CNTN3: variants seen among roughly 807,000 people sequenced by gnomAD.
The protein encoded by CNTN3 is contactin-3.
In CNTN3, 60 loss-of-function variants were observed where a neutral mutation model predicts 119.1. The ratio of observed to expected loss-of-function variants is 0.50; its 90% CI spans 0.41 to 0.62. CNTN3 has a LOEUF of 0.62. Among genes scored for constraint, CNTN3 ranks in the 20% least tolerant of loss-of-function variants. The pLI is 0.00. For synonymous variants in CNTN3, 450 were observed against 438.7 expected (o/e 1.03, Z -0.32); for missense variants, 1,101 against 1,242.4 (o/e 0.89, Z 1.71).
intron 5 of CNTN3, among the ~76,000 whole-genome samples, chr3:74,385,315 A>G (rs1176164389): frequency 6.6e-6 from 1 of 152,098 alleles, no homozygotes; most frequent in African/African-American, 2.4e-5. Flanking sequence ...CATCTCTCCA[A>G]ATTTCCTTTT....
intron 13 of CNTN3, among the ~76,000 whole-genome samples, chr3:74,328,355 T>G (rs1018741976): frequency 6.6e-6 from 1 of 152,230 alleles, no homozygotes; most frequent in Non-Finnish European, 1.5e-5. Context: ...TCCTTTTTGC[T>G]TTTAAGGTTT....
At position 74,577,340 on chromosome 3, in the gene CNTN3, T is replaced by C. The variant is rs531086674; in HGVS notation, c.-81+37051A>G. ...AAGTATGATTTCTAACTGCTAAAAC[T>C]TCCCAAGTGATTGCATTAAAATATA... On this transcript the variant is annotated intron_variant, in intron 1 of 22. Transcript: ENST00000263665. Among the ~76,000 whole-genome samples, 189 of 152,318 alleles carry C rather than the reference T, an allele frequency of 1.2e-3. 1 individual carries two copies. The highest frequency in any genetic ancestry group is 4.4e-3 in the African/African-American group (185 of 41,582).
chr3:74,393,194 C>A (rs943596574), intron 5 of CNTN3, among the ~76,000 whole-genome samples: 1 of 152,162 alleles, frequency 6.6e-6, no homozygotes, highest in Non-Finnish European at 1.5e-5. Flanking sequence ...CATCTTCAAA[C>A]ATGAATCCAT....
intron 20 of CNTN3, chr3:74,267,660 C>T (rs1229842596): frequency 3.1e-6 from 1 of 324,028 alleles, no homozygotes; most frequent in Admixed American, 4.2e-5. Context: ...CCAAAAAAGG[C>T]ATTTCAATTA....
chr3:74,472,090 G>T (rs548752920), intron 4 of CNTN3, among the ~76,000 whole-genome samples: 14 of 152,250 alleles, frequency 9.2e-5, no homozygotes, highest in Middle Eastern at 3.4e-3. Flanking sequence ...ATGCTACTAT[G>T]ATTAGGCCAC....
intron 19 of CNTN3, among the ~76,000 whole-genome samples, chr3:74,289,010 T>G (rs990067599): frequency 6.6e-6 from 1 of 152,150 alleles, no homozygotes; most frequent in Non-Finnish European, 1.5e-5. Context: ...TGGCACATGA[T>G]CAACCCTCAC....
chr3:74,416,376 T>C (rs1354193904), intron 5 of CNTN3, among the ~76,000 whole-genome samples: 1 of 152,224 alleles, frequency 6.6e-6, no homozygotes, highest in African/African-American at 2.4e-5. Flanking sequence ...TCTGTGATTA[T>C]TCCCCATGTA....
chr3:74,264,544 A>G, intron 22 of CNTN3, 43 bp from the exon 23 acceptor site: 1 of 1,297,026 alleles, frequency 7.7e-7, no homozygotes, highest in Non-Finnish European at 1.1e-6. Flanking sequence ...GATTGTACCA[A>G]TATGTAATCA....
rs371643798 is a variant in CNTN3, at chr3:74,324,020, C to A, written c.1668+10715G>T. Reference sequence around the variant, plus strand: ...AGAACTTTCAGAGATTTAAAAAAAACCATATATTACTGTATTTGGATTTTT... The same window carrying A: ...AGAACTTTCAGAGATTTAAAAAAAAACATATATTACTGTATTTGGATTTTT... On this transcript the variant is annotated intron_variant, in intron 13 of 22. Transcript: ENST00000263665. 2.7e-3 allele frequency among the ~76,000 whole-genome samples: 409 copies of A among 151,976 alleles called. 5 individuals carry two copies. The highest frequency in any genetic ancestry group is 8.9e-3 in the African/African-American group (367 of 41,464).
chr3:74,314,812 C>T (rs1044447125), intron 13 of CNTN3, among the ~76,000 whole-genome samples: 2 of 152,134 alleles, frequency 1.3e-5, no homozygotes, highest in South Asian at 4.1e-4. Flanking sequence ...TAATGGACAT[C>T]TATAGACTAC....
In CNTN3 at chr3:74,570,522, A is replaced by G. The variant is rs9879139; in HGVS notation, c.-81+43869T>C. Among the ~76,000 whole-genome samples the G allele has an allele frequency of 8.2e-3, 1,117 of 135,838 alleles. 12 individuals carry two copies. The highest frequency in any genetic ancestry group is 0.03 in the African/African-American group (1,057 of 35,298). 89.1% of individuals were successfully genotyped at this position (135,838 alleles called of 152,430 possible). On this transcript the variant is annotated intron_variant, in intron 1 of 22. Transcript: ENST00000263665. ...GAAAAAAAAATCACAAAAGAAGAAAAAAAAAGAGTGTCTTCTAAGGACAAA... is the reference window on the plus strand; with the variant it reads ...GAAAAAAAAATCACAAAAGAAGAAAGAAAAAGAGTGTCTTCTAAGGACAAA...
intron 1 of CNTN3, among the ~76,000 whole-genome samples, chr3:74,542,785 A>G (rs1422714102): frequency 1.3e-5 from 2 of 150,986 alleles, no homozygotes; most frequent in Non-Finnish European, 2.9e-5. Context: ...TTTAAAATTG[A>G]AAAAGTTCTC....
At chr3:74,589,963 G>C (rs533825686) in intron 1 of CNTN3, among the ~76,000 whole-genome samples, 38 of 119,176 alleles carry the variant, frequency 3.2e-4, no homozygotes, top group Admixed American at 2.8e-3. Flanking sequence ...GTTGTGGGGT[G>C]GGGGGGAGGG....
chr3:74,540,681 TCTAC>T (rs1473205451), intron 1 of CNTN3, among the ~76,000 whole-genome samples: 1 of 152,112 alleles, frequency 6.6e-6, no homozygotes, highest in East Asian at 1.9e-4. Flanking sequence ...TCCCCAAAGC[TCTAC>T]CTCTCTACTT....
chr3:74,395,464 C>T (rs914844657), intron 5 of CNTN3, among the ~76,000 whole-genome samples: 5 of 152,030 alleles, frequency 3.3e-5, no homozygotes, highest in Non-Finnish European at 7.4e-5. Flanking sequence ...CAATGGGTAC[C>T]TATTTATAAA....
At chr3:74,494,005 C>T (rs1237074414) in intron 3 of CNTN3, among the ~76,000 whole-genome samples, 2 of 152,208 alleles carry the variant, frequency 1.3e-5, no homozygotes, top group East Asian at 3.9e-4. Context: ...GTTCACTTTC[C>T]ATGGTTCTAA....
At chr3:74,363,858 A>G (rs1704130031) in intron 10 of CNTN3, among the ~76,000 whole-genome samples, 1 of 152,052 alleles carries the variant, frequency 6.6e-6, no homozygotes. Context: ...CATTTGTGCT[A>G]TGCTACACTA....
At chr3:74,565,205 G>GA (rs1012165236) in intron 1 of CNTN3, among the ~76,000 whole-genome samples, 13 of 152,276 alleles carry the variant, frequency 8.5e-5, no homozygotes, top group Admixed American at 5.2e-4. Flanking sequence ...TCAGAAGTCT[G>GA]AAACTGTCTT....
intron 2 of CNTN3, among the ~76,000 whole-genome samples, chr3:74,517,776 C>G (rs1028547201): frequency 3.3e-5 from 5 of 151,834 alleles, no homozygotes; most frequent in Non-Finnish European, 7.4e-5. Context: ...CTGCCCCTTT[C>G]ATTTAATTCT....
Sources: gnomAD v4.1 joint callset for allele counts (sites outside exome capture counted in the v4.1 genomes callset) on GRCh38, gnomAD v4.1.1 for gene constraint, MANE v1.5 for transcripts, NCBI Gene and HGNC (gene_info 2026-07-23, HGNC 2026-07-21) for gene names.